Variants in RNF31 observed in about 807,000 individuals in gnomAD.
RNF31 encodes the protein E3 ubiquitin-protein ligase RNF31.
RNF31 carries 38 observed loss-of-function variants against 133.6 expected under a neutral mutation model. The observed-to-expected ratio is 0.28, with a 90% CI of 0.22 to 0.37. The LOEUF is 0.37. RNF31 is among the 10% of genes least tolerant of loss of function. The pLI is 1.00. For missense variants in RNF31, 1,118 were observed against 1,394.1 expected (o/e 0.80, Z 3.15); for synonymous variants, 582 against 552.3 (o/e 1.05, Z -0.75).
At position 24,148,664 on chromosome 14, in the gene RNF31, C is replaced by T. The variant is rs533041762; in HGVS notation, c.518C>T (p.Ala173Val). The T allele has an allele frequency of 6.2e-7, 1 of 1,614,146 alleles. No individual in the cohort carries two copies. Among genetic ancestry groups the T allele is most frequent in the South Asian group, 1.1e-5 (1 of 91,082 alleles). The change falls in exon 4 of 21, where the codon GCA (alanine) becomes GTA (valine). Residue 173 changes from alanine (A) to valine (V), a missense_variant. By Grantham distance (64) the Ala-to-Val change is moderately conservative. This residue lies in a region of RNF31 where 747 missense variants were observed against 827.9 expected (regional missense o/e 0.90). Coordinates refer to ENST00000324103, the MANE Select transcript of RNF31 (RefSeq NM_017999.5). ...CAGAATACTCATCCAAGACAGCAGG[C>T]ACTGGAGCAGCTGTTGGAAGACAAG... ...LLQNTHPRQQ[A>V]LEQLLEDKVE... is the part of the protein sequence containing the mutation.
At position 24,157,648 on chromosome 14, in the gene RNF31, G is replaced by T; in HGVS notation, c.2727+10G>T. 6 of 1,611,102 alleles carry T rather than the reference G, an allele frequency of 3.7e-6. No individual in the cohort carries two copies. The highest frequency in any genetic ancestry group is 5.1e-6 in the Non-Finnish European group (6 of 1,177,242). ...CTTTTACGCCAAGAATGTAAGCCCA[G>T]AGAGTTGGGGAAGGGGTGGAAGGGT... On this transcript the variant is annotated intron_variant, in intron 16 of 20. Transcript: ENST00000324103.
chr14:24,160,561 C>G lies in RNF31; in HGVS notation c.3207C>G (p.Arg1069=). ...EEVPLGQSIP[R]RRK ...TACCCTTGGGACAGAGTATCCCCCG[C>G]AGGCGGAAGTAGCTGAGGGCAAGGG... The change falls in exon 21 of 21, where the codon CGC becomes CGG. Residue 1069 remains arginine (R), a synonymous_variant. Coordinates refer to ENST00000324103, the MANE Select transcript of RNF31 (RefSeq NM_017999.5). This position sits in a 1 kb window ranked among gnomAD's most constrained non-coding sequence, Gnocchi z 4.0. 1 of 1,535,528 alleles carries G rather than the reference C, an allele frequency of 6.5e-7. No individual in the cohort carries two copies. The highest frequency in any genetic ancestry group is 8.8e-7 in the Non-Finnish European group (1 of 1,138,626).
At position 24,150,383 on chromosome 14, in the gene RNF31, C is replaced by T. The variant is rs763864892; in HGVS notation, c.1132C>T (p.Leu378=). Residue 378 remains leucine, a synonymous_variant, in exon 7 of 21, where the codon CTG becomes TTG. Coordinates refer to ENST00000324103, the MANE Select transcript of RNF31 (RefSeq NM_017999.5). ...VLCSICERPR[L]AQPPSLVVDS... is the part of the protein sequence containing the mutation. Reference sequence around the variant, plus strand: ...ATGTTCCATATGTGAGCGACCTCGGCTGGCCCAGCCTCCCAGCTTGGTGGT... The same window carrying T: ...ATGTTCCATATGTGAGCGACCTCGGTTGGCCCAGCCTCCCAGCTTGGTGGT... 4 of 1,613,582 alleles carry T rather than the reference C, an allele frequency of 2.5e-6. No homozygotes were observed. Among genetic ancestry groups the T allele is most frequent in the Non-Finnish European group, 3.4e-6 (4 of 1,179,950 alleles).
At position 24,160,024 on chromosome 14, in the gene RNF31, AG is replaced by A; in HGVS notation, c.2996+66del. ...GGGTAGAAGTGGTGAGGGCATGCCC[AG>A]GCAGTAAAATGGGTCCTTGGGAGCA... On this transcript the variant is annotated intron_variant, in intron 19 of 20. Coordinates refer to ENST00000324103, the MANE Select transcript of RNF31 (RefSeq NM_017999.5). The surrounding 1 kb of genome is among the most constrained non-coding windows in gnomAD (Gnocchi z 4.0). 6.6e-7 allele frequency: 1 copy of A among 1,516,442 alleles called. No individual in the cohort carries two copies. Among genetic ancestry groups the A allele is most frequent in the Non-Finnish European group, 9.1e-7 (1 of 1,102,960 alleles). The allele number at this position is 1,516,442 out of a possible 1,614,324, so 93.9% of individuals were successfully genotyped here. A position where few individuals can be genotyped will look rare whatever the true frequency, so the allele number is the denominator to read the frequency against.
At chr14:24,158,546 A>T (rs2038381256) in intron 18 of RNF31, 2 of 338,278 alleles carry the variant, frequency 5.9e-6, no homozygotes, top group Non-Finnish European at 1.1e-5. Context: ...AGGGCAACAG[A>T]AAGGTGTTAC....
At chr14:24,159,664 G>GAC in intron 18 of RNF31, 200 bp from the exon 19 acceptor site, 1 of 465,062 alleles carries the variant, frequency 2.2e-6, no homozygotes, top group Non-Finnish European at 3.9e-6. Context: ...TAAAAGTAGG[G>GAC]ACAAGGTCCC....
rs1387901732 is a variant in RNF31, at chr14:24,155,767, T to C, written c.2493+75T>C. The C allele has an allele frequency of 3.0e-6, 4 of 1,335,588 alleles. No homozygotes were observed. Among genetic ancestry groups the C allele is most frequent in the Non-Finnish European group, 4.3e-6 (4 of 934,250 alleles). 82.7% of individuals were successfully genotyped at this position (1,335,588 alleles called of 1,614,324 possible). A position where few individuals can be genotyped will look rare whatever the true frequency, so the allele number is the denominator to read the frequency against. ...ACTGTGTTAGACTCAGGGGAGTTTG[T>C]GTACTGGAGAGCAAAACAGACATGA... On this transcript the variant is annotated intron_variant, in intron 14 of 20. Transcript: ENST00000324103. The surrounding 1 kb of genome is among the most constrained non-coding windows in gnomAD (Gnocchi z 4.9).
At chr14:24,156,057 C>T (rs767072878) in intron 14 of RNF31, among the ~76,000 whole-genome samples, 4 of 152,066 alleles carry the variant, frequency 2.6e-5, no homozygotes, top group Non-Finnish European at 5.9e-5. Flanking sequence ...TAAGCTCAGG[C>T]CTAAACATTA....
chr14:24,149,027 G>C (rs536010125), intron 5 of RNF31, 151 bp downstream of exon 5: 23 of 757,196 alleles, frequency 3.0e-5, no homozygotes, highest in Non-Finnish European at 4.7e-5. Context: ...GCAATGGTGC[G>C]ATCTCCGCTC....
intron 6 of RNF31, 78 bp downstream of exon 6, chr14:24,149,661 T>A (rs2038233080): frequency 7.0e-7 from 1 of 1,428,334 alleles, no homozygotes; most frequent in Middle Eastern, 1.8e-4. Context: ...CCTGCCAGTT[T>A]CTGTGCTAAA....
chr14:24,157,169 A>G (rs1347105984), intron 14 of RNF31, 121 bp from the exon 15 acceptor site: 5 of 649,602 alleles, frequency 7.7e-6, no homozygotes, highest in Non-Finnish European at 1.3e-5. Context: ...ATCTGAGCAA[A>G]TGGTAGGTGG....
rs754021465 is a variant in RNF31 at position 24,148,238 on chromosome 14, C to G, written c.340-20C>G. The stretch of plus-strand genomic sequence containing the variant: ...AGGCAGGAAACCTCCTGGGTGGTGA[C>G]TCGTTTGAATGTGTGGCAGGGGGGC... On this transcript the variant is annotated intron_variant, in intron 2 of 20. Transcript: ENST00000324103. 26 of 1,613,902 alleles carry G rather than the reference C, an allele frequency of 1.6e-5. No homozygotes were observed. The highest frequency in any genetic ancestry group is 3.4e-6 in the Non-Finnish European group (4 of 1,179,976).
chr14:24,152,437 T>A (rs201356054), intron 11 of RNF31, among the ~76,000 whole-genome samples: 1 of 149,716 alleles, frequency 6.7e-6, no homozygotes, highest in Non-Finnish European at 1.5e-5. Context: ...TTATTTATTT[T>A]TTTTAGATGG....
intron 3 of RNF31, 92 bp from the exon 4 acceptor site, chr14:24,148,550 T>C (rs1227962136): frequency 6.3e-7 from 1 of 1,584,942 alleles, no homozygotes; most frequent in African/African-American, 1.3e-5. Context: ...GGTACTGATT[T>C]TCCTTCTGTG....
chr14:24,147,409 C>G, upstream of RNF31: 1 of 306,566 alleles, frequency 3.3e-6, no homozygotes, highest in East Asian at 5.3e-5. Context: ...CCCTCTTGGC[C>G]GCGCCCCCTG....
At position 24,149,549 on chromosome 14, in the gene RNF31, C is replaced by T. The variant is rs752873718; in HGVS notation, c.775C>T (p.Pro259Ser). The T allele has an allele frequency of 1.2e-6, 2 of 1,614,090 alleles. No homozygotes were observed. Among genetic ancestry groups the T allele is most frequent in the Non-Finnish European group, 1.7e-6 (2 of 1,180,008 alleles). The change falls in exon 6 of 21, where the codon CCT (proline) becomes TCT (serine). Residue 259 changes from proline to serine, a missense_variant. Transcript: ENST00000324103. ...SRAHHLRQTL[P>S]GVLQGTHLSP... is the part of the protein sequence containing the mutation. ...TGCTCATCACCTCCGCCAGACCCTG[C>T]CTGGGGTCCTGCAGGGTACCCACCT...
intron 18 of RNF31, chr14:24,158,618 C>T (rs2038382118): frequency 5.6e-6 from 1 of 179,688 alleles, no homozygotes; most frequent in South Asian, 1.4e-4. Flanking sequence ...CAGTCCATAC[C>T]ACCCTGAATG....
Position 24,155,780 on chromosome 14 carries a change from A to C in RNF31, c.2493+88A>C. On this transcript the variant is annotated intron_variant, in intron 14 of 20. Coordinates refer to ENST00000324103, the MANE Select transcript of RNF31 (RefSeq NM_017999.5). This position sits in a 1 kb window ranked among gnomAD's most constrained non-coding sequence, Gnocchi z 4.9. ...CAGGGGAGTTTGTGTACTGGAGAGC[A>C]AAACAGACATGAGCTCTGAGGTCAA... 1 of 1,119,348 alleles carries C rather than the reference A, an allele frequency of 8.9e-7. No individual in the cohort carries two copies. The highest frequency in any genetic ancestry group is 1.3e-6 in the Non-Finnish European group (1 of 741,854). The allele number at this position is 1,119,348 out of a possible 1,614,324, so 69.3% of individuals were successfully genotyped here. A position where few individuals can be genotyped will look rare whatever the true frequency, so the allele number is the denominator to read the frequency against.
At position 24,157,252 on chromosome 14, in the gene RNF31, A is replaced by G. The variant is rs774243348; in HGVS notation, c.2494-38A>G. ...CCAGCAAGAAAGGCCAGGGGATGGG[A>G]TAGAGCTCCCATGTGAAGCCTACTT... On this transcript the variant is annotated intron_variant, in intron 14 of 20. Coordinates refer to ENST00000324103, the MANE Select transcript of RNF31 (RefSeq NM_017999.5). The G allele has an allele frequency of 4.6e-6, 7 of 1,519,904 alleles. No homozygotes were observed. The Admixed American group carries it at 9.2e-5, about 20-fold the overall frequency. 94.2% of individuals were successfully genotyped at this position (1,519,904 alleles called of 1,614,324 possible). A position where few individuals can be genotyped will look rare whatever the true frequency, so the allele number is the denominator to read the frequency against.
Sources: gnomAD v4.1 joint callset for allele counts (sites outside exome capture counted in the v4.1 genomes callset) on GRCh38, gnomAD v4.1.1 for gene constraint, gnomAD v4.1.1 regional missense constraint, Gnocchi (gnomAD v3.1) non-coding constraint, MANE v1.5 for transcripts, NCBI Gene and HGNC (gene_info 2026-07-23, HGNC 2026-07-21) for gene names.